Variants in SIRPA observed in about 807,000 individuals in gnomAD.
The protein encoded by SIRPA is signal regulatory protein alpha.
Under a neutral mutation model 50.3 loss-of-function variants are expected in SIRPA, and 9 were observed. The observed-to-expected ratio is 0.18, with a 90% CI of 0.11 to 0.31. SIRPA has a LOEUF of 0.31. SIRPA is among the 10% of genes least tolerant of loss of function. The probability of loss-of-function intolerance (pLI) is 1.00; values close to 1 mark genes in which losing one functional copy is unlikely to be tolerated. For missense variants in SIRPA, 474 were observed against 661.6 expected (o/e 0.72, Z 3.11); for synonymous variants, 265 against 284.1 (o/e 0.93, Z 0.68).
rs1401013706 is a variant in SIRPA at position 1,940,571 on chromosome 20, AGTT to A, written c.*3004_*3006del. The A allele has an allele frequency of 6.6e-6, 1 of 152,214 alleles. No homozygotes were observed. Among genetic ancestry groups the A allele is most frequent in the African/African-American group, 2.4e-5 (1 of 41,446 alleles). 9.4% of individuals were successfully genotyped at this position (152,214 alleles called of 1,614,324 possible). A position where few individuals can be genotyped will look rare whatever the true frequency, so the allele number is the denominator to read the frequency against. ...GATATTAGTGCTAATTATGTAATAA[AGTT>A]AAGGCATAAATATGTTAATATTTAG... On this transcript the variant is annotated 3_prime_UTR_variant, in exon 8 of 8. Coordinates refer to ENST00000358771, the MANE Select transcript of SIRPA (RefSeq NM_001040023.2).
In SIRPA at chr20:1,937,980, T is replaced by TCCA. The variant is rs71193939; in HGVS notation, c.*441_*443dup. The TCCA allele has an allele frequency of 0.014, 2,164 of 153,004 alleles. 25 individuals are homozygous for TCCA. Among genetic ancestry groups the TCCA allele is most frequent in the African/African-American group, 0.035 (1,132 of 32,794 alleles). The allele number at this position is 153,004 out of a possible 1,614,324, so 9.5% of individuals were successfully genotyped here. On this transcript the variant is annotated 3_prime_UTR_variant, in exon 8 of 8. Transcript: ENST00000358771. The surrounding 1 kb of genome is among the most constrained non-coding windows in gnomAD (Gnocchi z 8.3). The stretch of plus-strand genomic sequence containing the variant: ...CCCACCTCCCCTGACCTCCACCACC[T>TCCA]CCACCACCACCACCACCACCACCAC...
rs1369951189 is a variant in SIRPA, at chr20:1,939,325, A to C, written c.*1757A>C. 3 of 152,232 alleles carry C rather than the reference A, an allele frequency of 2.0e-5. No individual in the cohort carries two copies. The highest frequency in any genetic ancestry group is 7.2e-5 in the African/African-American group (3 of 41,448). 9.4% of individuals were successfully genotyped at this position (152,232 alleles called of 1,614,324 possible). A position where few individuals can be genotyped will look rare whatever the true frequency, so the allele number is the denominator to read the frequency against. On this transcript the variant is annotated 3_prime_UTR_variant, in exon 8 of 8. Coordinates refer to ENST00000358771, the MANE Select transcript of SIRPA (RefSeq NM_001040023.2). The surrounding 1 kb of genome is among the most constrained non-coding windows in gnomAD (Gnocchi z 4.7). Reference sequence around the variant, plus strand: ...CCTACAGGTGAAACTGCAGGAGCTCAGCATAGACCCAGCTCTCTGGGGGAT... The same window carrying C: ...CCTACAGGTGAAACTGCAGGAGCTCCGCATAGACCCAGCTCTCTGGGGGAT...
At chr20:1,919,394 G>A (rs886717515) in intron 2 of SIRPA, among the ~76,000 whole-genome samples, 4 of 152,114 alleles carry the variant, frequency 2.6e-5, no homozygotes, top group African/African-American at 9.7e-5. Flanking sequence ...TCCTCTTGGG[G>A]TGCCAGATGG....
intron 1 of SIRPA, among the ~76,000 whole-genome samples, chr20:1,896,629 A>G (rs567097665): frequency 6.6e-6 from 1 of 151,978 alleles, no homozygotes; most frequent in Non-Finnish European, 1.5e-5. Context: ...TTTGCGTTTG[A>G]CTAGAGATGG....
At position 1,898,842 on chromosome 20, in the gene SIRPA, A is replaced by C. The variant is rs1214243762; in HGVS notation, c.79+3316A>C. Among the ~76,000 whole-genome samples, 1 of 152,128 alleles carries C rather than the reference A, an allele frequency of 6.6e-6. No individual in the cohort carries two copies. Among genetic ancestry groups the C allele is most frequent in the African/African-American group, 2.4e-5 (1 of 41,444 alleles). Reference sequence around the variant, plus strand: ...TACTGACAGCCCCTTGGTCCTCACCAGTAACAACACATGAGAGGTGATGTG... The same window carrying C: ...TACTGACAGCCCCTTGGTCCTCACCCGTAACAACACATGAGAGGTGATGTG... On this transcript the variant is annotated intron_variant, in intron 1 of 7. Coordinates refer to ENST00000358771, the MANE Select transcript of SIRPA (RefSeq NM_001040023.2). This position sits in a 1 kb window ranked among gnomAD's most constrained non-coding sequence, Gnocchi z 4.3.
intron 1 of SIRPA, among the ~76,000 whole-genome samples, chr20:1,895,952 G>T (rs1406007578): frequency 6.6e-6 from 1 of 152,208 alleles, no homozygotes; most frequent in Non-Finnish European, 1.5e-5. Flanking sequence ...GAGGAGGTGA[G>T]GGCAGAGGTC....
intron 6 of SIRPA, among the ~76,000 whole-genome samples, chr20:1,930,620 TG>T (rs1247270759): frequency 1.3e-5 from 2 of 152,240 alleles, no homozygotes; most frequent in Admixed American, 1.3e-4. Flanking sequence ...GACGGAGTTT[TG>T]CTCTTGTTGC....
Position 1,939,294 on chromosome 20 carries a change from G to A in SIRPA, c.*1726G>A, listed in dbSNP as rs548144513. Reference sequence around the variant, plus strand: ...TAGCTGAGCCATCCTGCCCATTCCTGGAGGTCCTACAGGTGAAACTGCAGG... The same window carrying A: ...TAGCTGAGCCATCCTGCCCATTCCTAGAGGTCCTACAGGTGAAACTGCAGG... On this transcript the variant is annotated 3_prime_UTR_variant, in exon 8 of 8. Coordinates refer to ENST00000358771, the MANE Select transcript of SIRPA (RefSeq NM_001040023.2). This position sits in a 1 kb window ranked among gnomAD's most constrained non-coding sequence, Gnocchi z 4.7. The A allele has an allele frequency of 6.6e-6, 1 of 152,336 alleles. No homozygotes were observed. Among genetic ancestry groups the A allele is most frequent in the South Asian group, 2.1e-4 (1 of 4,834 alleles). The allele number at this position is 152,336 out of a possible 1,614,324, so 9.4% of individuals were successfully genotyped here. A position where few individuals can be genotyped will look rare whatever the true frequency, so the allele number is the denominator to read the frequency against.
chr20:1,921,804 G>A (rs1985679694), intron 3 of SIRPA, 92 bp downstream of exon 3: 2 of 1,371,608 alleles, frequency 1.5e-6, no homozygotes, highest in African/African-American at 1.4e-5. Context: ...CTTGCTCCAG[G>A]GCTTGAAATG....
At chr20:1,917,157 C>A (rs2123114937) in intron 2 of SIRPA, among the ~76,000 whole-genome samples, 1 of 152,230 alleles carries the variant, frequency 6.6e-6, no homozygotes, top group Admixed American at 6.5e-5. Context: ...TGGGAGGGGG[C>A]CAGGGAGCAG....
At chr20:1,901,070 CAGGT>C (rs1490732012) in intron 1 of SIRPA, among the ~76,000 whole-genome samples, 2 of 151,988 alleles carry the variant, frequency 1.3e-5, no homozygotes, top group South Asian at 2.1e-4. Context: ...GCTTGCTTGA[CAGGT>C]AGGGAAACTG....
intron 1 of SIRPA, 72 bp from the exon 2 acceptor site, chr20:1,915,027 T>C (rs76897346): frequency 0.29 from 324,446 of 1,107,558 alleles, 60,353 homozygotes; most frequent in East Asian, 0.64. Context: ...ATGAACGTCA[T>C]TGATAAACAC....
At chr20:1,896,293 A>G (rs1328578611) in intron 1 of SIRPA, among the ~76,000 whole-genome samples, 2 of 152,120 alleles carry the variant, frequency 1.3e-5, no homozygotes, top group Non-Finnish European at 1.5e-5. Flanking sequence ...GGCTCTGACC[A>G]TGTCTTTCTG....
At chr20:1,903,411 G>T (rs1392242545) in intron 1 of SIRPA, among the ~76,000 whole-genome samples, 1 of 152,220 alleles carries the variant, frequency 6.6e-6, no homozygotes, top group African/African-American at 2.4e-5. Flanking sequence ...CAGCTTTTAT[G>T]TGCAGAACTA....
Position 1,938,977 on chromosome 20 carries a change from A to C in SIRPA, c.*1409A>C, listed in dbSNP as rs1986745776. On this transcript the variant is annotated 3_prime_UTR_variant, in exon 8 of 8. Coordinates refer to ENST00000358771, the MANE Select transcript of SIRPA (RefSeq NM_001040023.2). ...AGAAATCTTCCATTTCTGCTCTCAA[A>C]CCCTACTGGGATCAAACTGGAATAA... 6.6e-6 allele frequency: 1 copy of C among 152,648 alleles called. No individual in the cohort carries two copies. 9.5% of individuals were successfully genotyped at this position (152,648 alleles called of 1,614,324 possible).
chr20:1,915,285 G>C lies in SIRPA; in HGVS notation c.266G>C (p.Arg89Pro), dbSNP rs1441903737. 1 of 1,613,464 alleles carries C rather than the reference G, an allele frequency of 6.2e-7. No homozygotes were observed. The change falls in exon 2 of 8, where the codon CGG becomes CCG. Residue 89 changes from arginine (R) to proline (P), a missense_variant. Physicochemically the swap from Arg to Pro is moderately radical, Grantham distance 103 (BLOSUM62 -2). Transcript: ENST00000358771. ...AATCAAAAAGAAGGCCACTTCCCCC[G>C]GGTAACAACTGTTTCAGACCTCACA... ...IYNQKEGHFPRVTTVSDLTKR... is the reference protein window; with the variant it reads ...IYNQKEGHFPPVTTVSDLTKR...
chr20:1,917,373 A>G (rs1012679364), intron 2 of SIRPA, among the ~76,000 whole-genome samples: 1 of 152,190 alleles, frequency 6.6e-6, no homozygotes. Context: ...TATGCTTGTC[A>G]AAGTGTGGAG....
chr20:1,895,599 A>G, intron 1 of SIRPA, 73 bp downstream of exon 1: 1 of 1,185,460 alleles, frequency 8.4e-7, no homozygotes, highest in Non-Finnish European at 1.1e-6. Context: ...TGGCACTGGG[A>G]CCCCTTCGGC....
At position 1,936,148 on chromosome 20, in the gene SIRPA, A is replaced by G. The variant is rs1159382753; in HGVS notation, c.1267-1172A>G. ...AATCAGCCATTACCGTGCACCAACT[A>G]GGAGGTGTGCCGGTTGGTGGTAGCT... On this transcript the variant is annotated intron_variant, in intron 7 of 7. Coordinates refer to ENST00000358771, the MANE Select transcript of SIRPA (RefSeq NM_001040023.2). The surrounding 1 kb of genome is among the most constrained non-coding windows in gnomAD (Gnocchi z 4.2). Among the ~76,000 whole-genome samples, 1 of 152,064 alleles carries G rather than the reference A, an allele frequency of 6.6e-6. No homozygotes were observed. Among genetic ancestry groups the G allele is most frequent in the Non-Finnish European group, 1.5e-5 (1 of 68,020 alleles).
Sources: allele counts gnomAD v4.1 joint callset (sites outside exome capture counted in the v4.1 genomes callset), GRCh38; gene constraint gnomAD v4.1.1; non-coding constraint Gnocchi (gnomAD v3.1); transcripts MANE v1.5; gene names NCBI Gene and HGNC (gene_info 2026-07-23, HGNC 2026-07-21).